The following PAFAH2 variants were observed in gnomAD, a reference collection of about 807,000 sequenced individuals.
PAFAH2 encodes the protein platelet-activating factor acetylhydrolase 2, cytoplasmic.
In PAFAH2, 42 loss-of-function variants were observed where a neutral mutation model predicts 49.0. The observed-to-expected ratio is 0.86, with a 90% CI of 0.67 to 1.11. PAFAH2 has a LOEUF of 1.11. Among genes scored for constraint, PAFAH2 ranks in the 50% least tolerant of loss-of-function variants. The pLI, the probability that PAFAH2 is intolerant of heterozygous loss-of-function variation, is 0.00. For synonymous variants in PAFAH2, 184 were observed against 181.3 expected, an observed-to-expected ratio of 1.01 and a Z score of -0.12; for missense variants, 503 against 501.8, an observed-to-expected ratio of 1.00 and a Z score of -0.02.
Position 25,983,940 on chromosome 1 carries a change from A to G in PAFAH2, c.552+6T>C. 1 of 1,614,052 alleles carries G rather than the reference A, an allele frequency of 6.2e-7. No homozygotes were observed. Among genetic ancestry groups the G allele is most frequent in the Non-Finnish European group, 8.5e-7 (1 of 1,179,956 alleles). The stretch of plus-strand genomic sequence containing the variant: ...AACTCTCCCTCCCCAACTGGCACAA[A>G]CTTACCTGGGGATTCCGAACATGAA... On this transcript the variant is annotated splice_donor_region_variant and intron_variant, in intron 6 of 10. Transcript: ENST00000374282.
chr1:25,977,092 G>A (rs1399978402), intron 7 of PAFAH2, among the ~76,000 whole-genome samples: 2 of 143,356 alleles, frequency 1.4e-5, no homozygotes, highest in East Asian at 4.1e-4. Context: ...GCGCGATCTC[G>A]GCTCACTGCA....
chr1:25,962,001 C>T lies in PAFAH2; in HGVS notation c.1167G>A (p.Leu389=), dbSNP rs1334483410. The T allele has an allele frequency of 8.1e-6, 13 of 1,613,674 alleles. No individual in the cohort carries two copies. The highest frequency in any genetic ancestry group is 1.0e-5 in the Non-Finnish European group (12 of 1,179,838). Residue 389 remains leucine, a synonymous_variant, in exon 11 of 11, where the codon CTG becomes CTA. Transcript: ENST00000374282. ...TGGCCAGTTGTGCCTACAGGCTGGA[C>T]AGATGGTGGGGGGCCCCTGGGGTGA... ...PSLTPGAPHH[L]SSL
chr1:25,974,302 G>A (rs1026883766), intron 9 of PAFAH2, among the ~76,000 whole-genome samples, 178 bp downstream of exon 9: 6 of 152,194 alleles, frequency 3.9e-5, no homozygotes, highest in African/African-American at 1.4e-4. Context: ...TGTAGATGGA[G>A]CTCAGTGGAG....
intron 10 of PAFAH2, among the ~76,000 whole-genome samples, chr1:25,966,296 C>T (rs955216647): frequency 1.1e-4 from 17 of 152,162 alleles, no homozygotes; most frequent in African/African-American, 3.9e-4. Flanking sequence ...GAAATCATTA[C>T]ACCAGAAAGA....
In PAFAH2 at chr1:25,979,846, G is replaced by A. The variant is rs187208522; in HGVS notation, c.666+2518C>T. Among the ~76,000 whole-genome samples, 11 of 152,228 alleles carry A rather than the reference G, an allele frequency of 7.2e-5. No individual in the cohort carries two copies. The East Asian group carries it at 1.2e-3, about 16-fold the overall frequency. ...TCGCCACGTTGGCCAGGCTGGTATC[G>A]AACTCCTGGGCTCAAGTGATCCACC... On this transcript the variant is annotated intron_variant, in intron 7 of 10. Coordinates refer to ENST00000374282, the MANE Select transcript of PAFAH2 (RefSeq NM_000437.4).
At chr1:25,964,460 C>G (rs930195079) in intron 10 of PAFAH2, among the ~76,000 whole-genome samples, 2 of 152,138 alleles carry the variant, frequency 1.3e-5, no homozygotes, top group African/African-American at 4.8e-5. Flanking sequence ...AACACCAGCA[C>G]TTTGGGAGGC....
At position 25,989,560 on chromosome 1, in the gene PAFAH2, C is replaced by T. The variant is rs1456037851; in HGVS notation, c.132G>A (p.Glu44=). The change falls in exon 3 of 11, where the codon GAG becomes GAA. Residue 44 remains glutamate, a synonymous_variant. Transcript: ENST00000374282. ...FRLFYPCQKA[E]ETMEQPLWIP... ...TCCACAGGGGCTGCTCCATGGTCTC[C>T]TCTGCCTTTTGGCAGGGGTAGAAGA... The T allele has an allele frequency of 6.2e-7, 1 of 1,611,234 alleles. No individual in the cohort carries two copies. Among genetic ancestry groups the T allele is most frequent in the African/African-American group, 1.3e-5 (1 of 74,852 alleles).
chr1:25,962,032 G>A lies in PAFAH2; in HGVS notation c.1136C>T (p.Pro379Leu), dbSNP rs200452453. The change falls in exon 11 of 11, where the codon CCG becomes CTG. Residue 379 changes from proline to leucine, a missense_variant. Physicochemically the swap from Pro to Leu is moderately conservative, Grantham distance 98 (BLOSUM62 -3). Coordinates refer to ENST00000374282, the MANE Select transcript of PAFAH2 (RefSeq NM_000437.4). The part of the protein sequence containing the change: ...QWNNLIEGIG[P>L]SLTPGAPHHL... ...GTGGGGGGCCCCTGGGGTGAGCGACGGTCCAATGCCTTCAATAAGGTTGTT... is the reference window on the plus strand; with the variant it reads ...GTGGGGGGCCCCTGGGGTGAGCGACAGTCCAATGCCTTCAATAAGGTTGTT... 211 of 1,613,874 alleles carry A rather than the reference G, an allele frequency of 1.3e-4. No individual in the cohort carries two copies. The highest frequency in any genetic ancestry group is 1.7e-4 in the Non-Finnish European group (199 of 1,179,936).
In PAFAH2 at chr1:25,976,733, G is replaced by GA. The variant is rs1165421130; in HGVS notation, c.706dup (p.Ser236PhefsTer33). 6.2e-7 allele frequency: 1 copy of GA among 1,614,210 alleles called. No homozygotes were observed. Among genetic ancestry groups the GA allele is most frequent in the South Asian group, 1.1e-5 (1 of 91,084 alleles). ...CAGAATAGCTGTGGCCCCTCCAAATGAATGTCCCATCACAGCCACACGGCT... is the reference window on the plus strand; with the variant it reads ...CAGAATAGCTGTGGCCCCTCCAAATGAAATGTCCCATCACAGCCACACGGCT... On this transcript the variant is annotated frameshift_variant, in exon 8 of 11. Coordinates refer to ENST00000374282, the MANE Select transcript of PAFAH2 (RefSeq NM_000437.4). LOFTEE classifies it high-confidence loss of function.
chr1:25,982,248 A>T, intron 7 of PAFAH2, 116 bp downstream of exon 7: 1 of 733,532 alleles, frequency 1.4e-6, no homozygotes, highest in Non-Finnish European at 2.3e-6. Flanking sequence ...TCTTCTTGAT[A>T]GTTATATGAG....
chr1:25,979,365 G>A (rs1038553038), intron 7 of PAFAH2, among the ~76,000 whole-genome samples: 4 of 150,922 alleles, frequency 2.7e-5, no homozygotes, highest in African/African-American at 9.8e-5. Flanking sequence ...ACCGAGGCTG[G>A]AGTGCAGTGG....
chr1:25,993,429 C>G (rs776194745), intron 1 of PAFAH2, among the ~76,000 whole-genome samples: 1 of 152,066 alleles, frequency 6.6e-6, no homozygotes. Flanking sequence ...CACCAAGGTC[C>G]GGAGAGATTA....
chr1:25,989,453 G>A lies in PAFAH2; in HGVS notation c.239C>T (p.Ala80Val), dbSNP rs200838441. Residue 80 changes from alanine to valine, a missense_variant, in exon 3 of 11, where the codon GCG becomes GTG. Coordinates refer to ENST00000374282, the MANE Select transcript of PAFAH2 (RefSeq NM_000437.4). Reference sequence around the variant, plus strand: ...GAGGTCAGGCCAGCCCTTACCCACCGCCAGGTTGAACAGCAAGCCCCCGCA... The same window carrying A: ...GAGGTCAGGCCAGCCCTTACCCACCACCAGGTTGAACAGCAAGCCCCCGCA... The part of the protein sequence containing the change: ...KRCGGLLFNL[A>V]VGSCRLPVSW... 41 of 1,594,816 alleles carry A rather than the reference G, an allele frequency of 2.6e-5. No individual in the cohort carries two copies. Among genetic ancestry groups the A allele is most frequent in the Non-Finnish European group, 3.0e-5 (35 of 1,170,326 alleles).
intron 10 of PAFAH2, among the ~76,000 whole-genome samples, chr1:25,966,529 T>C (rs1462628186): frequency 3.3e-5 from 5 of 152,166 alleles, no homozygotes; most frequent in African/African-American, 9.7e-5. Flanking sequence ...TACCGAATGC[T>C]GTACCGAATG....
intron 8 of PAFAH2, among the ~76,000 whole-genome samples, chr1:25,975,878 C>A (rs554407813): frequency 2.6e-5 from 4 of 152,212 alleles, no homozygotes; most frequent in Non-Finnish European, 5.9e-5. Context: ...TCCCATCATA[C>A]GTAGAATAAA....
At chr1:25,963,063 T>C in intron 10 of PAFAH2, among the ~76,000 whole-genome samples, 1 of 151,816 alleles carries the variant, frequency 6.6e-6, no homozygotes, top group East Asian at 1.9e-4. Context: ...GCACAAAGGG[T>C]CCAAGCCCTC....
At chr1:25,977,421 C>T (rs1190431067) in intron 7 of PAFAH2, among the ~76,000 whole-genome samples, 8 of 151,426 alleles carry the variant, frequency 5.3e-5, no homozygotes, top group African/African-American at 1.9e-4. Flanking sequence ...GAAGCCAAGG[C>T]GGGCGGATTG....
chr1:25,988,516 C>T (rs888420496), intron 3 of PAFAH2, among the ~76,000 whole-genome samples, 189 bp from the exon 4 acceptor site: 1 of 151,914 alleles, frequency 6.6e-6, no homozygotes, highest in Non-Finnish European at 1.5e-5. Context: ...GTGAACACAA[C>T]AGAAAATGGG....
At chr1:25,979,246 A>G (rs1473336577) in intron 7 of PAFAH2, among the ~76,000 whole-genome samples, 2 of 151,852 alleles carry the variant, frequency 1.3e-5, no homozygotes, top group African/African-American at 4.8e-5. Flanking sequence ...CTTTTTTAAT[A>G]TGCTGTATTT....
Sources: gnomAD v4.1 joint callset for allele counts (sites outside exome capture counted in the v4.1 genomes callset) on GRCh38, gnomAD v4.1.1 for gene constraint, MANE v1.5 for transcripts, NCBI Gene and HGNC (gene_info 2026-07-23, HGNC 2026-07-21) for gene names.